The following MCM4 variants were observed in gnomAD, a reference collection of about 807,000 sequenced individuals.
MCM4 encodes minichromosome maintenance complex component 4.
MCM4 carries 60 observed loss-of-function variants against 88.7 expected under a neutral mutation model. The ratio of observed to expected loss-of-function variants is 0.68; its 90% CI spans 0.55 to 0.84. The LOEUF is 0.84. MCM4 is among the 40% of genes least tolerant of loss of function. The pLI is 0.00. For missense variants in MCM4, 1,149 were observed against 1,105.5 expected, an observed-to-expected ratio of 1.04 and a Z score of -0.56; for synonymous variants, 465 against 410.5, an observed-to-expected ratio of 1.13 and a Z score of -1.61.
rs1280608889 is a variant in MCM4, at chr8:47,977,610, C to T, written c.*832C>T. On this transcript the variant is annotated 3_prime_UTR_variant, in exon 17 of 17. Transcript: ENST00000649973. The stretch of plus-strand genomic sequence containing the variant: ...TAACCTCCTGGGCTCAGGTGTATGT[C>T]ACTATGCCCGGCTACTTTTTGTATT... 1 of 152,230 alleles carries T rather than the reference C, an allele frequency of 6.6e-6. No homozygotes were observed. Among genetic ancestry groups the T allele is most frequent in the East Asian group, 1.9e-4 (1 of 5,194 alleles). 9.4% of individuals were successfully genotyped at this position (152,230 alleles called of 1,614,324 possible).
In MCM4 at chr8:47,966,883, T is replaced by G. The variant is rs201306211; in HGVS notation, c.1053+476T>G. ...ATTGCTTATTTACCGTGATTGTGAC[T>G]GTAAAGATGTGGGAGGACAGGATTT... is the stretch of plus-strand genomic sequence containing the variant. On this transcript the variant is annotated intron_variant, in intron 9 of 16. Coordinates refer to ENST00000649973, the MANE Select transcript of MCM4 (RefSeq NM_182746.3). Among the ~76,000 whole-genome samples, 4 of 152,376 alleles carry G rather than the reference T, an allele frequency of 2.6e-5. No homozygotes were observed. The East Asian group carries it at 7.7e-4, about 29-fold the overall frequency.
At chr8:47,962,284 C>G (rs763182405) in intron 4 of MCM4, 21 bp from the exon 5 acceptor site, 1 of 1,614,036 alleles carries the variant, frequency 6.2e-7, no homozygotes, top group Non-Finnish European at 8.5e-7. Flanking sequence ...TTTCATGATT[C>G]TGTCATGTTT....
intron 7 of MCM4, among the ~76,000 whole-genome samples, chr8:47,963,383 G>T (rs946026103): frequency 2.0e-5 from 3 of 152,094 alleles, no homozygotes; most frequent in Admixed American, 2.0e-4. Context: ...GAACCCCGGA[G>T]GCAGAGGTGC....
At position 47,969,882 on chromosome 8, in the gene MCM4, A is replaced by T; in HGVS notation, c.1259A>T (p.His420Leu). The T allele has an allele frequency of 6.2e-7, 1 of 1,614,242 alleles. No homozygotes were observed. Among genetic ancestry groups the T allele is most frequent in the Non-Finnish European group, 8.5e-7 (1 of 1,180,046 alleles). ...TACAAAACCCACATTGATGTCATTC[A>T]TTATCGGAAAACGGATGCAAAACGT... is the stretch of plus-strand genomic sequence containing the variant. ...SVYKTHIDVI[H>L]YRKTDAKRLH... Residue 420 changes from histidine to leucine, a missense_variant, in exon 11 of 17, where the codon CAT becomes CTT. Transcript: ENST00000649973.
chr8:47,970,086 G>A, intron 11 of MCM4, 29 bp downstream of exon 11: 1 of 1,606,428 alleles, frequency 6.2e-7, no homozygotes, highest in Non-Finnish European at 8.5e-7. Flanking sequence ...CTAGGGGTTG[G>A]GATTTACAAT....
rs771112920 is a variant in MCM4, at chr8:47,962,776, C to G, written c.514C>G (p.Arg172Gly). ...TCTCCACTTAAAGAGATTTCTTCAG[C>G]GTTTTATTGACCCTCTGGCTAAAGA... The part of the protein sequence containing the change: ...CKENFQRFLQ[R>G]FIDPLAKEEE... The change falls in exon 6 of 17, where the codon CGT becomes GGT. Residue 172 changes from arginine to glycine, a missense_variant. Around this residue, in one of 3 missense-constraint regions of MCM4, gnomAD observed 906 missense variants for 843.0 expected, o/e 1.07. Transcript: ENST00000649973. 1 of 1,602,332 alleles carries G rather than the reference C, an allele frequency of 6.2e-7. No homozygotes were observed. The highest frequency in any genetic ancestry group is 1.7e-5 in the Admixed American group (1 of 57,316).
intron 10 of MCM4, among the ~76,000 whole-genome samples, chr8:47,968,643 A>T (rs1476268206): frequency 6.6e-6 from 1 of 152,226 alleles, no homozygotes; most frequent in Non-Finnish European, 1.5e-5. Flanking sequence ...TATTGGAGTG[A>T]AGAATAGTGT....
rs1282030431 is a variant in MCM4, at chr8:47,961,655, C to T, written c.210C>T (p.Ser70=). Residue 70 remains serine (S), a synonymous_variant, in exon 3 of 17, where the codon TCC becomes TCT. Coordinates refer to ENST00000649973, the MANE Select transcript of MCM4 (RefSeq NM_182746.3). ...CTGCTGCGCAGGACGTGCTGTTTTC[C>T]AGCCCTCCCCAAATGCATTCTTCAG... ...QSPAAQDVLF[S]SPPQMHSSAI... 1.9e-6 allele frequency: 3 copies of T among 1,611,450 alleles called. No individual in the cohort carries two copies. The highest frequency in any genetic ancestry group is 2.2e-5 in the South Asian group (2 of 90,972).
chr8:47,973,870 G>A (rs1371029297), intron 14 of MCM4: 1 of 152,192 alleles, frequency 6.6e-6, no homozygotes, highest in East Asian at 1.9e-4. Context: ...GGGGGAAATA[G>A]TTCATTTATG....
At chr8:47,965,100 C>A (rs2090887005) in intron 8 of MCM4, among the ~76,000 whole-genome samples, 1 of 151,986 alleles carries the variant, frequency 6.6e-6, no homozygotes, top group Non-Finnish European at 1.5e-5. Flanking sequence ...GTAGTCCCGG[C>A]TACTCTCGGG....
intron 14 of MCM4, among the ~76,000 whole-genome samples, chr8:47,973,374 C>T (rs1349130857): frequency 6.6e-6 from 1 of 152,218 alleles, no homozygotes; most frequent in Non-Finnish European, 1.5e-5. Context: ...CAGAGTTTCA[C>T]CGTGTTGGCC....
chr8:47,972,786 A>G lies in MCM4; in HGVS notation c.1929-71A>G, dbSNP rs564196617. 7.0e-5 allele frequency: 88 copies of G among 1,248,342 alleles called. No individual in the cohort carries two copies. The African/African-American group carries it at 1.1e-3, about 16-fold the overall frequency. The allele number at this position is 1,248,342 out of a possible 1,614,324, so 77.3% of individuals were successfully genotyped here. ...TGGCCAGGCTGGTCTCAAACTACCA[A>G]CCTCAGGTGATCCACCTGCCTCGGC... On this transcript the variant is annotated intron_variant, in intron 13 of 16. Transcript: ENST00000649973.
At position 47,976,923 on chromosome 8, in the gene MCM4, A is replaced by G; in HGVS notation, c.*145A>G. The G allele has an allele frequency of 1.8e-6, 1 of 566,738 alleles. No homozygotes were observed. Among genetic ancestry groups the G allele is most frequent in the Middle Eastern group, 4.9e-4 (1 of 2,036 alleles). The allele number at this position is 566,738 out of a possible 1,614,324, so 35.1% of individuals were successfully genotyped here. A position where few individuals can be genotyped will look rare whatever the true frequency, so the allele number is the denominator to read the frequency against. On this transcript the variant is annotated 3_prime_UTR_variant, in exon 17 of 17. Transcript: ENST00000649973. ...CATAAAAATTTTCTAACTTGGGTTC[A>G]ATATTTGTAGTGAAGTATCTGTTTT...
Position 47,962,148 on chromosome 8 carries a change from C to G in MCM4, c.331C>G (p.Pro111Ala), listed in dbSNP as rs1046646799. 6.2e-7 allele frequency: 1 copy of G among 1,614,094 alleles called. No individual in the cohort carries two copies. The highest frequency in any genetic ancestry group is 1.7e-5 in the Admixed American group (1 of 60,006). ...CCCAAGAAGTGGTGTTAGGGGCACA[C>G]CTGTGAGACAGAGGCCTGACCTGGG... is the stretch of plus-strand genomic sequence containing the variant. ...GTPRSGVRGT[P>A]VRQRPDLGSA... The change falls in exon 4 of 17, where the codon CCT becomes GCT. Residue 111 changes from proline (P) to alanine (A), a missense_variant. Pro to Ala is a conservative substitution (Grantham distance 27, BLOSUM62 -1). Coordinates refer to ENST00000649973, the MANE Select transcript of MCM4 (RefSeq NM_182746.3).
chr8:47,970,834 A>G lies in MCM4; in HGVS notation c.1758A>G (p.Val586=), dbSNP rs752252545. ...AGATGAATGAAAGTACAAGATCGGTATTGCATGAAGTCATGGAACAGCAGA... is the reference window on the plus strand; with the variant it reads ...AGATGAATGAAAGTACAAGATCGGTGTTGCATGAAGTCATGGAACAGCAGA... ...FDKMNESTRS[V]LHEVMEQQTL... The change falls in exon 12 of 17, where the codon GTA becomes GTG. Residue 586 remains valine, a synonymous_variant. Transcript: ENST00000649973. 1 of 1,610,832 alleles carries G rather than the reference A, an allele frequency of 6.2e-7. No individual in the cohort carries two copies. Among genetic ancestry groups the G allele is most frequent in the South Asian group, 1.1e-5 (1 of 90,910 alleles).
chr8:47,972,489 T>C (rs1894311), intron 13 of MCM4, among the ~76,000 whole-genome samples: 22,121 of 152,088 alleles, frequency 0.15, 2,564 homozygotes, highest in African/African-American at 0.3. Flanking sequence ...AAGCAGTCTT[T>C]AGTACGTCGT....
At chr8:47,962,508 C>G (rs2090853949) in intron 5 of MCM4, 102 bp downstream of exon 5, 6 of 1,179,024 alleles carry the variant, frequency 5.1e-6, no homozygotes, top group Non-Finnish European at 7.4e-6. Flanking sequence ...GAAGGGCCAC[C>G]TGTGGTGGCT....
chr8:47,970,675 G>A lies in MCM4; in HGVS notation c.1599G>A (p.Thr533=), dbSNP rs755939714. The change falls in exon 12 of 17, where the codon ACG becomes ACA. Residue 533 remains threonine (T), a synonymous_variant. Coordinates refer to ENST00000649973, the MANE Select transcript of MCM4 (RefSeq NM_182746.3). The part of the protein sequence containing the change: ...VYNLVPRGQY[T]SGKGSSAVGL... ...ACCTCGTCCCCAGGGGCCAGTACAC[G>A]TCTGGGAAGGGCTCCAGTGCAGTTG... The A allele has an allele frequency of 3.0e-5, 49 of 1,614,054 alleles. No homozygotes were observed. In the Middle Eastern group the frequency reaches 1.5e-3, roughly 49 times the overall value.
intron 6 of MCM4, 39 bp from the exon 7 acceptor site, chr8:47,962,906 A>G: frequency 6.4e-7 from 1 of 1,570,522 alleles, no homozygotes; most frequent in Non-Finnish European, 8.7e-7. Context: ...TAAAATAGTT[A>G]AATTAGCAAA....
Sources: gnomAD v4.1 joint callset for allele counts (sites outside exome capture counted in the v4.1 genomes callset) on GRCh38, gnomAD v4.1.1 for gene constraint, gnomAD v4.1.1 regional missense constraint, MANE v1.5 for transcripts, NCBI Gene and HGNC (gene_info 2026-07-23, HGNC 2026-07-21) for gene names.